The following BRINP1 variants were observed in gnomAD, a reference collection of about 807,000 sequenced individuals.
BRINP1 encodes BMP/retinoic acid-inducible neural-specific protein 1.
A neutral mutation model predicts 72.9 loss-of-function variants in BRINP1; 17 were observed. The ratio of observed to expected loss-of-function variants is 0.23; its 90% CI spans 0.16 to 0.35. The LOEUF (loss-of-function observed/expected upper bound fraction) is 0.35, where lower values mean the gene tolerates loss of function less well. Among genes scored for constraint, BRINP1 ranks in the 10% least tolerant of loss-of-function variants. BRINP1 has a pLI of 1.00. For synonymous variants in BRINP1, 418 were observed against 378.5 expected (o/e 1.10, Z -1.21); for missense variants, 850 against 1,001.6 (o/e 0.85, Z 2.04).
At chr9:119,298,927 GGTAA>G (rs1358731021) in intron 2 of BRINP1, among the ~76,000 whole-genome samples, 5 of 151,798 alleles carry the variant, frequency 3.3e-5, no homozygotes, top group African/African-American at 1.2e-4. Flanking sequence ...TTTTTTTAAA[GGTAA>G]GTATTTATTT....
At chr9:119,225,826 A>G (rs1229111003) in intron 5 of BRINP1, among the ~76,000 whole-genome samples, 2 of 152,048 alleles carry the variant, frequency 1.3e-5, no homozygotes, top group African/African-American at 4.8e-5. Flanking sequence ...TTGTGAATGT[A>G]CTGTTGCTAA....
chr9:119,236,789 TTTTTCTGTCTACTCTTTTTTCTGCTACTC>T (rs1308836830), intron 5 of BRINP1, among the ~76,000 whole-genome samples: 5 of 152,176 alleles, frequency 3.3e-5, no homozygotes, highest in East Asian at 1.9e-4. Context: ...TGTCTACTCT[TTTTTCTGTCTACTCTTTTTTCTGCTACTC>T]TTTTCTGTCT....
intron 1 of BRINP1, among the ~76,000 whole-genome samples, chr9:119,331,226 G>A (rs555707043): frequency 1.5e-4 from 23 of 152,282 alleles, no homozygotes; most frequent in Middle Eastern, 3.4e-3. Flanking sequence ...CTAAAGGGAA[G>A]AGAAGCTGGA....
chr9:119,231,608 G>T (rs1830149352), intron 5 of BRINP1, among the ~76,000 whole-genome samples: 1 of 151,976 alleles, frequency 6.6e-6, no homozygotes, highest in Non-Finnish European at 1.5e-5. Flanking sequence ...AACATCCTTT[G>T]TCATCAGTGA....
At chr9:119,296,664 G>A (rs1830882030) in intron 2 of BRINP1, among the ~76,000 whole-genome samples, 2 of 152,086 alleles carry the variant, frequency 1.3e-5, no homozygotes, top group Admixed American at 1.3e-4. Flanking sequence ...CACACACAAA[G>A]TGAAACATTA....
intron 4 of BRINP1, among the ~76,000 whole-genome samples, chr9:119,240,068 A>C (rs1212958530): frequency 6.6e-6 from 1 of 152,064 alleles, no homozygotes; most frequent in African/African-American, 2.4e-5. Flanking sequence ...CAAGAGATTG[A>C]GACCATCCTG....
chr9:119,328,471 A>G (rs568684790), intron 1 of BRINP1, among the ~76,000 whole-genome samples: 2 of 152,166 alleles, frequency 1.3e-5, no homozygotes, highest in Non-Finnish European at 2.9e-5. Flanking sequence ...TTCTTTATGG[A>G]AAGACTTTAG....
intron 7 of BRINP1, among the ~76,000 whole-genome samples, chr9:119,174,994 C>T (rs1829464486): frequency 1.3e-5 from 2 of 149,998 alleles, no homozygotes; most frequent in African/African-American, 4.9e-5. Flanking sequence ...GGAGGGATAG[C>T]ATTGGGAGAT....
chr9:119,289,769 C>T (rs1830803580), intron 2 of BRINP1, among the ~76,000 whole-genome samples: 1 of 152,232 alleles, frequency 6.6e-6, no homozygotes, highest in African/African-American at 2.4e-5. Context: ...GTTAATAACT[C>T]ATTGACCTAA....
chr9:119,310,517 A>G (rs1831050500), intron 2 of BRINP1, among the ~76,000 whole-genome samples: 1 of 152,182 alleles, frequency 6.6e-6, no homozygotes, highest in Non-Finnish European at 1.5e-5. Context: ...GTACAAATGC[A>G]GGAGAAAGAA....
At chr9:119,179,330 C>T (rs375794775) in intron 7 of BRINP1, among the ~76,000 whole-genome samples, 8 of 152,278 alleles carry the variant, frequency 5.3e-5, no homozygotes, top group African/African-American at 1.9e-4. Context: ...TCAATTCATT[C>T]TGATAGGGGG....
chr9:119,331,048 C>T lies in BRINP1; in HGVS notation c.-50-17643G>A, dbSNP rs561988911. ...TCTCAAAAAAACAAAACAACAGCAACAACAAGAAACAGTCATCAATTTTTA... is the reference window on the plus strand; with the variant it reads ...TCTCAAAAAAACAAAACAACAGCAATAACAAGAAACAGTCATCAATTTTTA... On this transcript the variant is annotated intron_variant, in intron 1 of 7. Coordinates refer to ENST00000265922, the MANE Select transcript of BRINP1 (RefSeq NM_014618.3). Among the ~76,000 whole-genome samples the T allele has an allele frequency of 4.6e-5, 7 of 152,250 alleles. No individual in the cohort carries two copies. In the East Asian group the frequency reaches 1.4e-3, roughly 29 times the overall value.
intron 6 of BRINP1, among the ~76,000 whole-genome samples, chr9:119,211,138 T>C (rs12346469): frequency 0.078 from 11,822 of 152,062 alleles, 774 homozygotes; most frequent in African/African-American, 0.18. Context: ...GATAAGAAAA[T>C]AGAATTTAAG....
chr9:119,179,517 T>G (rs1467542552), intron 7 of BRINP1, among the ~76,000 whole-genome samples: 1 of 152,200 alleles, frequency 6.6e-6, no homozygotes, highest in Non-Finnish European at 1.5e-5. Flanking sequence ...AATGTTCTTC[T>G]TTCTCACGTT....
chr9:119,232,469 T>C (rs1588171933), intron 5 of BRINP1, among the ~76,000 whole-genome samples: 2 of 152,196 alleles, frequency 1.3e-5, no homozygotes, highest in South Asian at 2.1e-4. Flanking sequence ...AAATCTGATA[T>C]AAAGTTTTTG....
At position 119,363,326 on chromosome 9, in the gene BRINP1, A is replaced by G. The variant is rs7042867; in HGVS notation, c.-51+5730T>C. ...TATGTTTCCCAGGCTGGTCTCAAAC[A>G]CCTGGGCTCAAGCGATCCTCCCACC... is the stretch of plus-strand genomic sequence containing the variant. On this transcript the variant is annotated intron_variant, in intron 1 of 7. Coordinates refer to ENST00000265922, the MANE Select transcript of BRINP1 (RefSeq NM_014618.3). Among the ~76,000 whole-genome samples the G allele has an allele frequency of 4.2e-3, 633 of 152,150 alleles. 1 individual carries two copies. Among genetic ancestry groups the G allele is most frequent in the African/African-American group, 0.014 (578 of 41,504 alleles).
At chr9:119,255,983 A>AAAAAAC (rs1830444044) in intron 2 of BRINP1, among the ~76,000 whole-genome samples, 1 of 125,234 alleles carries the variant, frequency 8.0e-6, no homozygotes, top group African/African-American at 2.8e-5. Flanking sequence ...AAAAAAAAAA[A>AAAAAAC]CACGAGACAG....
rs1323038415 is a variant in BRINP1 at position 119,166,798 on chromosome 9, TC to T, written c.*285del. 3.7e-5 allele frequency: 12 copies of T among 326,440 alleles called. No homozygotes were observed. Among genetic ancestry groups the T allele is most frequent in the African/African-American group, 2.6e-4 (12 of 46,434 alleles). The allele number at this position is 326,440 out of a possible 1,614,324, so 20.2% of individuals were successfully genotyped here. ...TTCATTGCATATGCTTTCTCCCTTC[TC>T]CCCCAATACAGCACCTGAGGCCTAA... On this transcript the variant is annotated 3_prime_UTR_variant, in exon 8 of 8. Coordinates refer to ENST00000265922, the MANE Select transcript of BRINP1 (RefSeq NM_014618.3).
intron 2 of BRINP1, among the ~76,000 whole-genome samples, chr9:119,288,948 G>A (rs1830795709): frequency 6.6e-6 from 1 of 152,154 alleles, no homozygotes; most frequent in Non-Finnish European, 1.5e-5. Flanking sequence ...TTACAGGCAT[G>A]TGCCGCCACA....
Sources: gnomAD v4.1 joint callset for allele counts (sites outside exome capture counted in the v4.1 genomes callset) on GRCh38, gnomAD v4.1.1 for gene constraint, MANE v1.5 for transcripts, NCBI Gene and HGNC (gene_info 2026-07-23, HGNC 2026-07-21) for gene names.